SGCZ: variants seen among roughly 807,000 people sequenced by gnomAD.
The protein encoded by SGCZ is zeta-sarcoglycan.
A neutral mutation model predicts 41.3 loss-of-function variants in SGCZ; 40 were observed. That is an observed-to-expected ratio of 0.97 (90% confidence interval 0.75 to 1.26). SGCZ has a LOEUF of 1.26. SGCZ is among the 50% of genes most tolerant of loss of function. The probability of loss-of-function intolerance (pLI) is 0.00; values close to 1 mark genes in which losing one functional copy is unlikely to be tolerated. For missense variants in SGCZ, 552 were observed against 369.8 expected, an observed-to-expected ratio of 1.49 and a Z score of -4.04; for synonymous variants, 206 against 137.5, an observed-to-expected ratio of 1.50 and a Z score of -3.49.
At chr8:15,026,984 A>G (rs543042683) in intron 1 of SGCZ, among the ~76,000 whole-genome samples, 2 of 152,314 alleles carry the variant, frequency 1.3e-5, no homozygotes, top group South Asian at 4.1e-4. Context: ...TCCAACAGAC[A>G]ATGGTTCCAC....
chr8:14,844,709 G>C (rs949402889), intron 1 of SGCZ, among the ~76,000 whole-genome samples: 1 of 152,076 alleles, frequency 6.6e-6, no homozygotes, highest in African/African-American at 2.4e-5. Context: ...AAAAACATAA[G>C]GTCCTTATTT....
chr8:14,602,676 C>A (rs1219968284), intron 1 of SGCZ, among the ~76,000 whole-genome samples: 1 of 152,042 alleles, frequency 6.6e-6, no homozygotes, highest in African/African-American at 2.4e-5. Context: ...TGATATTTTC[C>A]TTTCTCTATG....
chr8:14,738,038 T>A (rs1073068), intron 1 of SGCZ, among the ~76,000 whole-genome samples: 4 of 151,830 alleles, frequency 2.6e-5, no homozygotes, highest in South Asian at 2.1e-4. Flanking sequence ...GGTAGAAAGC[T>A]CTCACATATA....
At chr8:15,127,245 C>A (rs1193130793) in intron 1 of SGCZ, among the ~76,000 whole-genome samples, 3 of 19,950 alleles carry the variant, frequency 1.5e-4, no homozygotes, top group Non-Finnish European at 6.2e-4. Context: ...CACACACACA[C>A]ACACACACAC....
At chr8:14,091,817 G>T (rs1485888936) in intron 7 of SGCZ, among the ~76,000 whole-genome samples, 2 of 152,166 alleles carry the variant, frequency 1.3e-5, no homozygotes, top group African/African-American at 4.8e-5. Flanking sequence ...TTGCTGGGCA[G>T]AAGCACTTTA....
intron 5 of SGCZ, among the ~76,000 whole-genome samples, chr8:14,121,775 G>A (rs1338154593): frequency 2.0e-5 from 3 of 152,156 alleles, no homozygotes; most frequent in Admixed American, 6.5e-5. Context: ...TCACTAGCAA[G>A]ATGACGTTAA....
At chr8:14,680,629 G>C (rs1808411394) in intron 1 of SGCZ, among the ~76,000 whole-genome samples, 1 of 151,758 alleles carries the variant, frequency 6.6e-6, no homozygotes, top group Non-Finnish European at 1.5e-5. Context: ...ATATTCCAAA[G>C]TAGAAGAAGG....
At chr8:14,210,396 C>A (rs1230436865) in intron 4 of SGCZ, among the ~76,000 whole-genome samples, 3 of 151,702 alleles carry the variant, frequency 2.0e-5, no homozygotes, top group African/African-American at 7.3e-5. Context: ...TTACCATTTT[C>A]CCAAACCCTT....
At chr8:14,182,164 T>C (rs1256322499) in intron 4 of SGCZ, among the ~76,000 whole-genome samples, 2 of 152,032 alleles carry the variant, frequency 1.3e-5, no homozygotes, top group East Asian at 1.9e-4. Flanking sequence ...TGACACAAAA[T>C]TGGGGGAAAG....
chr8:14,926,826 A>C (rs1799768324), intron 1 of SGCZ, among the ~76,000 whole-genome samples: 1 of 151,956 alleles, frequency 6.6e-6, no homozygotes, highest in African/African-American at 2.4e-5. Context: ...CTTTTAGTAG[A>C]GACAGGGTTT....
chr8:14,500,189 G>A (rs1414695144), intron 2 of SGCZ, among the ~76,000 whole-genome samples: 4 of 151,998 alleles, frequency 2.6e-5, no homozygotes, highest in East Asian at 1.9e-4. Context: ...GTAAAGAATC[G>A]CTTAAAATAT....
At chr8:14,298,677 G>T (rs987942594) in intron 3 of SGCZ, among the ~76,000 whole-genome samples, 1 of 151,858 alleles carries the variant, frequency 6.6e-6, no homozygotes, top group Non-Finnish European at 1.5e-5. Context: ...TTTCTGAAAG[G>T]AATTATTGAA....
intron 1 of SGCZ, among the ~76,000 whole-genome samples, chr8:14,670,665 C>T: frequency 6.6e-6 from 1 of 152,058 alleles, no homozygotes; most frequent in East Asian, 1.9e-4. Context: ...TTAAGAACAC[C>T]AACAACAGAA....
At chr8:15,221,161 A>T (rs930749380) in intron 1 of SGCZ, among the ~76,000 whole-genome samples, 2 of 152,240 alleles carry the variant, frequency 1.3e-5, no homozygotes, top group African/African-American at 4.8e-5. Flanking sequence ...TTAAAAAAGA[A>T]AAGAAAATTA....
intron 2 of SGCZ, among the ~76,000 whole-genome samples, chr8:14,394,220 G>A (rs1266738752): frequency 2.8e-5 from 4 of 142,884 alleles, no homozygotes; most frequent in African/African-American, 1.0e-4. Context: ...GCATGATCTC[G>A]GCTCACTGCA....
At chr8:14,304,278 C>CAAAAAAGTAAAGAAAATTTT (rs1463011859) in intron 3 of SGCZ, among the ~76,000 whole-genome samples, 4 of 151,100 alleles carry the variant, frequency 2.6e-5, no homozygotes, top group African/African-American at 4.9e-5. Context: ...ACCGTCTACA[C>CAAAAAAGTAAAGAAAATTTT]AAAAAAGTAA....
chr8:14,879,999 C>G (rs565499089), intron 1 of SGCZ, among the ~76,000 whole-genome samples: 1 of 152,182 alleles, frequency 6.6e-6, no homozygotes, highest in South Asian at 2.1e-4. Flanking sequence ...CACCACCACA[C>G]CCGGCTAAGT....
At chr8:14,177,766 C>G (rs1342441373) in intron 4 of SGCZ, among the ~76,000 whole-genome samples, 1 of 149,646 alleles carries the variant, frequency 6.7e-6, no homozygotes, top group African/African-American at 2.5e-5. Flanking sequence ...CCTCGTGATC[C>G]ATTCGCCTCA....
At chr8:14,176,557 G>C (rs1563167974) in intron 4 of SGCZ, among the ~76,000 whole-genome samples, 1 of 152,120 alleles carries the variant, frequency 6.6e-6, no homozygotes, top group Non-Finnish European at 1.5e-5. Context: ...AATATTAATA[G>C]TCCAACATTT....
Sources: allele counts gnomAD v4.1 joint callset (sites outside exome capture counted in the v4.1 genomes callset), GRCh38; gene constraint gnomAD v4.1.1; transcripts MANE v1.5; gene names NCBI Gene and HGNC (gene_info 2026-07-23, HGNC 2026-07-21).